KCNN3: variants seen among roughly 807,000 people sequenced by gnomAD.
KCNN3 encodes small conductance calcium-activated potassium channel protein 3.
In KCNN3, 16 loss-of-function variants were observed where a neutral mutation model predicts 62.9. That is an observed-to-expected ratio of 0.25 (90% CI 0.17 to 0.39). The LOEUF (loss-of-function observed/expected upper bound fraction) is 0.39. KCNN3 is among the 10% of genes least tolerant of loss of function. The pLI, the probability that KCNN3 is intolerant of heterozygous loss-of-function variation, is 1.00. For synonymous variants in KCNN3, 370 were observed against 389.2 expected, an observed-to-expected ratio of 0.95 and a Z score of 0.58; for missense variants, 599 against 949.4, an observed-to-expected ratio of 0.63 and a Z score of 4.85.
chr1:154,714,228 TGGGGTGTGTGC>T (rs1435210965), intron 6 of KCNN3, among the ~76,000 whole-genome samples: 164 of 136,966 alleles, frequency 1.2e-3, no homozygotes, highest in African/African-American at 2.2e-3. Flanking sequence ...ATGGTGTGTG[TGGGGTGTGTGC>T]GGTGTGTATG....
chr1:154,816,850 C>G (rs980178716), intron 2 of KCNN3, among the ~76,000 whole-genome samples: 2 of 152,214 alleles, frequency 1.3e-5, no homozygotes, highest in African/African-American at 4.8e-5. Context: ...TCTGCTGCTG[C>G]CTACAGGACA....
At chr1:154,851,303 G>A (rs1353062715) in intron 1 of KCNN3, among the ~76,000 whole-genome samples, 1 of 152,138 alleles carries the variant, frequency 6.6e-6, no homozygotes, top group Non-Finnish European at 1.5e-5. Context: ...TGCCAGCCAT[G>A]CCTCGAACAG....
chr1:154,851,947 C>T (rs1403584482), intron 1 of KCNN3, among the ~76,000 whole-genome samples: 1 of 152,178 alleles, frequency 6.6e-6, no homozygotes, highest in Non-Finnish European at 1.5e-5. Flanking sequence ...AGAGCCAGAC[C>T]CGCCTCCCCT....
intron 3 of KCNN3, among the ~76,000 whole-genome samples, chr1:154,735,493 T>C (rs1189794668): frequency 6.6e-6 from 1 of 152,140 alleles, no homozygotes; most frequent in African/African-American, 2.4e-5. Context: ...CTATACTTGC[T>C]CCCCAGGGAT....
chr1:154,857,326 C>G (rs1160820348), intron 1 of KCNN3, among the ~76,000 whole-genome samples: 1 of 152,176 alleles, frequency 6.6e-6, no homozygotes, highest in Non-Finnish European at 1.5e-5. Flanking sequence ...CTCGGGTGGC[C>G]CCTCCAGGGC....
chr1:154,824,126 G>A (rs1278940403), intron 1 of KCNN3, among the ~76,000 whole-genome samples: 1 of 152,186 alleles, frequency 6.6e-6, no homozygotes, highest in African/African-American at 2.4e-5. Flanking sequence ...TATATACAGT[G>A]ATATACACCA....
chr1:154,740,172 T>C (rs573836066), intron 3 of KCNN3, among the ~76,000 whole-genome samples: 1 of 152,304 alleles, frequency 6.6e-6, no homozygotes, highest in Admixed American at 6.5e-5. Flanking sequence ...TTTCATCATA[T>C]GAATATGGCA....
chr1:154,707,934 C>A lies in KCNN3; in HGVS notation c.*42G>T. ...CGACCAGGAGAGAGTTGATTTGCAT[C>A]TTAAGACCTATGGGTAATGCTTCTG... On this transcript the variant is annotated 3_prime_UTR_variant, in exon 8 of 8. Transcript: ENST00000271915. 6.3e-7 allele frequency: 1 copy of A among 1,595,242 alleles called. No individual in the cohort carries two copies. The highest frequency in any genetic ancestry group is 8.6e-7 in the Non-Finnish European group (1 of 1,167,956).
chr1:154,815,467 T>C (rs1375136477), intron 2 of KCNN3, among the ~76,000 whole-genome samples: 2 of 152,180 alleles, frequency 1.3e-5, no homozygotes, highest in Admixed American at 1.3e-4. Flanking sequence ...CACTCCCTCC[T>C]CCGTGGCCAC....
chr1:154,822,453 G>C (rs1330169840), intron 1 of KCNN3, among the ~76,000 whole-genome samples: 1 of 152,212 alleles, frequency 6.6e-6, no homozygotes, highest in African/African-American at 2.4e-5. Flanking sequence ...CGCTACTTGG[G>C]CATGATGTAT....
chr1:154,729,688 C>T (rs1433156229), intron 4 of KCNN3, among the ~76,000 whole-genome samples: 1 of 152,206 alleles, frequency 6.6e-6, no homozygotes. Context: ...GTTTCTGCAA[C>T]AGATTCCATG....
rs144246248 is a variant in KCNN3, at chr1:154,801,967, C to G, written c.1029+20122G>C. Among the ~76,000 whole-genome samples, 135 of 152,308 alleles carry G rather than the reference C, an allele frequency of 8.9e-4. 1 individual carries two copies. Among genetic ancestry groups the G allele is most frequent in the Non-Finnish European group, 2.1e-4 (14 of 68,026 alleles). On this transcript the variant is annotated intron_variant, in intron 2 of 7. Transcript: ENST00000271915. Reference sequence around the variant, plus strand: ...CAAGAGCAAGGGAATAAGAACATGGCCTTTGTTCACTTGTTTCTTGATTGG... The same window carrying G: ...CAAGAGCAAGGGAATAAGAACATGGGCTTTGTTCACTTGTTTCTTGATTGG...
chr1:154,740,178 T>G (rs939009712), intron 3 of KCNN3, among the ~76,000 whole-genome samples: 1 of 152,152 alleles, frequency 6.6e-6, no homozygotes, highest in Non-Finnish European at 1.5e-5. Flanking sequence ...CATATGAATA[T>G]GGCATGATTT....
chr1:154,795,619 T>C (rs1197354814), intron 2 of KCNN3, among the ~76,000 whole-genome samples: 1 of 152,148 alleles, frequency 6.6e-6, no homozygotes, highest in African/African-American at 2.4e-5. Context: ...TGAGCAGTGA[T>C]GTAAACAGAG....
At chr1:154,725,380 G>A (rs1472005790) in intron 5 of KCNN3, among the ~76,000 whole-genome samples, 2 of 152,060 alleles carry the variant, frequency 1.3e-5, no homozygotes, top group Admixed American at 1.3e-4. Context: ...AAATTACCAG[G>A]AAAATTATTT....
chr1:154,812,928 A>C (rs1650477315), intron 2 of KCNN3, among the ~76,000 whole-genome samples: 1 of 152,204 alleles, frequency 6.6e-6, no homozygotes, highest in African/African-American at 2.4e-5. Flanking sequence ...CATTGTTACC[A>C]AAAACCGCTC....
At chr1:154,758,163 A>G (rs1647819131) in intron 3 of KCNN3, among the ~76,000 whole-genome samples, 1 of 152,170 alleles carries the variant, frequency 6.6e-6, no homozygotes, top group South Asian at 2.1e-4. Flanking sequence ...CTGTCTGCAA[A>G]TGGATTGGAT....
At chr1:154,719,930 A>G (rs1700313215) in intron 5 of KCNN3, among the ~76,000 whole-genome samples, 1 of 152,158 alleles carries the variant, frequency 6.6e-6, no homozygotes, top group Non-Finnish European at 1.5e-5. Flanking sequence ...CTGGCAGGAA[A>G]TTGGGTAGAG....
chr1:154,850,054 C>T (rs1027179454), intron 1 of KCNN3, among the ~76,000 whole-genome samples: 9 of 152,172 alleles, frequency 5.9e-5, no homozygotes, highest in Admixed American at 5.9e-4. Flanking sequence ...GCAGGCGCTT[C>T]TTTCTCCCCT....
Sources: gnomAD v4.1 joint callset for allele counts (sites outside exome capture counted in the v4.1 genomes callset) on GRCh38, gnomAD v4.1.1 for gene constraint, MANE v1.5 for transcripts, NCBI Gene and HGNC (gene_info 2026-07-23, HGNC 2026-07-21) for gene names.